BEND6: variants seen among roughly 807,000 people sequenced by gnomAD.
The protein encoded by BEND6 is BEN domain-containing protein 6.
BEND6 carries 24 observed loss-of-function variants against 31.8 expected under a neutral mutation model. The observed-to-expected ratio is 0.75, with a 90% CI of 0.55 to 1.06. The LOEUF is 1.06. Ranked by LOEUF, BEND6 falls within the 50% of genes least tolerant of loss-of-function variation. The pLI is 0.00. For missense variants in BEND6, 294 were observed against 327.4 expected (o/e 0.90, Z 0.79); for synonymous variants, 109 against 114.6 (o/e 0.95, Z 0.31).
chr6:56,971,213 A>G (rs1825677067), intron 1 of BEND6, among the ~76,000 whole-genome samples: 1 of 152,168 alleles, frequency 6.6e-6, no homozygotes, highest in South Asian at 2.1e-4. Flanking sequence ...CCTCATGTAA[A>G]TGGAATCATA....
rs1337957968 is a variant in BEND6, at chr6:56,981,524, A to G, written c.-100-187A>G. Among the ~76,000 whole-genome samples, 3 of 152,216 alleles carry G rather than the reference A, an allele frequency of 2.0e-5. No individual in the cohort carries two copies. In the East Asian group the frequency reaches 5.8e-4, roughly 29 times the overall value. ...TCACTGCATATCACATCATGAAAATATGAAATTATTTATGATGCTGATGAA... is the reference window on the plus strand; with the variant it reads ...TCACTGCATATCACATCATGAAAATGTGAAATTATTTATGATGCTGATGAA... On this transcript the variant is annotated intron_variant, in intron 1 of 6. Transcript: ENST00000370746.
intron 1 of BEND6, among the ~76,000 whole-genome samples, chr6:56,956,369 A>G (rs1283604731): frequency 6.6e-6 from 1 of 152,236 alleles, no homozygotes; most frequent in Admixed American, 6.5e-5. Context: ...GTTGTTTTCC[A>G]ACTATACAAA....
chr6:57,025,789 C>T (rs184645448), intron 6 of BEND6, among the ~76,000 whole-genome samples: 28 of 152,054 alleles, frequency 1.8e-4, no homozygotes, highest in Non-Finnish European at 3.5e-4. Flanking sequence ...TGGAGCTTTT[C>T]GTTTTTATTT....
chr6:56,995,156 G>A (rs1826658034), intron 3 of BEND6, among the ~76,000 whole-genome samples: 1 of 151,028 alleles, frequency 6.6e-6, no homozygotes, highest in Non-Finnish European at 1.5e-5. Flanking sequence ...TCTCCTGCAA[G>A]ATCAAGTTTT....
intron 1 of BEND6, among the ~76,000 whole-genome samples, chr6:56,958,309 T>C (rs1825166458): frequency 6.6e-6 from 1 of 152,168 alleles, no homozygotes; most frequent in Non-Finnish European, 1.5e-5. Flanking sequence ...GGCAGAAACA[T>C]CTTCCTCAGT....
intron 6 of BEND6, among the ~76,000 whole-genome samples, chr6:57,019,728 A>G (rs141013819): frequency 9.3e-4 from 142 of 152,308 alleles, no homozygotes; most frequent in African/African-American, 3.3e-3. Flanking sequence ...CAAATCAAAA[A>G]ACTATTACTT....
chr6:57,018,055 A>G (rs1562559705), intron 5 of BEND6, among the ~76,000 whole-genome samples: 1 of 151,934 alleles, frequency 6.6e-6, no homozygotes, highest in African/African-American at 2.4e-5. Flanking sequence ...TGGGAGGCTG[A>G]GGCAGACAGA....
intron 3 of BEND6, among the ~76,000 whole-genome samples, chr6:57,014,217 A>G (rs1012082025): frequency 2.6e-5 from 4 of 152,262 alleles, no homozygotes; most frequent in Non-Finnish European, 5.9e-5. Context: ...TGTTTTTGAA[A>G]GAACAGAAAA....
At chr6:56,992,814 ATTAT>A (rs1237962859) in intron 3 of BEND6, among the ~76,000 whole-genome samples, 1 of 152,184 alleles carries the variant, frequency 6.6e-6, no homozygotes, top group Non-Finnish European at 1.5e-5. Flanking sequence ...TTTTTAAGAG[ATTAT>A]TTATTGAGCA....
intron 3 of BEND6, 100 bp downstream of exon 3, chr6:56,992,655 A>C: frequency 3.1e-6 from 4 of 1,273,750 alleles, no homozygotes; most frequent in Non-Finnish European, 4.3e-6. Context: ...GAAAATCCAC[A>C]CCTCTGGGAG....
intron 1 of BEND6, among the ~76,000 whole-genome samples, chr6:56,973,991 G>A (rs916099644): frequency 1.3e-5 from 2 of 152,176 alleles, no homozygotes; most frequent in Non-Finnish European, 2.9e-5. Flanking sequence ...GGCCTCAAGT[G>A]ATCTGCCCAC....
intron 1 of BEND6, among the ~76,000 whole-genome samples, chr6:56,973,862 T>C (rs1315908306): frequency 6.6e-6 from 1 of 152,178 alleles, no homozygotes; most frequent in Non-Finnish European, 1.5e-5. Flanking sequence ...CAGGTGATCC[T>C]CCCACCTCAG....
At chr6:57,004,645 A>G (rs1827085150) in intron 3 of BEND6, 1 of 1,173,418 alleles carries the variant, frequency 8.5e-7, no homozygotes. Flanking sequence ...GCTGAATGCA[A>G]TGGAGTGGGC....
intron 1 of BEND6, among the ~76,000 whole-genome samples, chr6:56,976,752 A>G (rs1000672221): frequency 3.9e-5 from 6 of 152,060 alleles, no homozygotes; most frequent in Non-Finnish European, 7.4e-5. Flanking sequence ...TTTAATACAG[A>G]TGGGGTTTCA....
At chr6:56,962,212 G>A (rs1378069158) in intron 1 of BEND6, among the ~76,000 whole-genome samples, 3 of 152,158 alleles carry the variant, frequency 2.0e-5, no homozygotes, top group African/African-American at 7.2e-5. Context: ...ATTACTGCAA[G>A]CCAGTAAATT....
Position 56,981,747 on chromosome 6 carries a change from A to G in BEND6, c.-64A>G. 6.4e-7 allele frequency: 1 copy of G among 1,573,866 alleles called. No individual in the cohort carries two copies. Among genetic ancestry groups the G allele is most frequent in the Non-Finnish European group, 8.6e-7 (1 of 1,158,544 alleles). ...ACTTTTGAGCTACGTCCAGAATAGC[A>G]TCATCTTCATGGGTATTCCCTACTC... On this transcript the variant is annotated 5_prime_UTR_variant, in exon 2 of 7. Transcript: ENST00000370746.
At chr6:56,990,277 G>C (rs1826446006) in intron 2 of BEND6, among the ~76,000 whole-genome samples, 1 of 133,438 alleles carries the variant, frequency 7.5e-6, no homozygotes. Flanking sequence ...TTTGGACAGG[G>C]TCTCGCTCTG....
At chr6:57,002,780 A>G (rs1301940717) in intron 3 of BEND6, among the ~76,000 whole-genome samples, 1 of 152,124 alleles carries the variant, frequency 6.6e-6, no homozygotes, top group African/African-American at 2.4e-5. Flanking sequence ...TCAATGATCT[A>G]ACATTACACC....
At chr6:56,958,372 A>G (rs1592958590) in intron 1 of BEND6, among the ~76,000 whole-genome samples, 1 of 152,226 alleles carries the variant, frequency 6.6e-6, no homozygotes, top group East Asian at 1.9e-4. Flanking sequence ...ATGGATCAAG[A>G]AGAAACATCA....
Sources: gnomAD v4.1 joint callset for allele counts (sites outside exome capture counted in the v4.1 genomes callset) on GRCh38, gnomAD v4.1.1 for gene constraint, MANE v1.5 for transcripts, NCBI Gene and HGNC (gene_info 2026-07-23, HGNC 2026-07-21) for gene names.